Variants in CALN1 observed in about 807,000 individuals in gnomAD.
CALN1 encodes the protein calneuron 1, also known as calcium-binding protein 8.
Under a neutral mutation model 30.6 loss-of-function variants are expected in CALN1, and 17 were observed. That is an observed-to-expected ratio of 0.56 (90% CI 0.38 to 0.83). CALN1 has a LOEUF of 0.83. Ranked by LOEUF, CALN1 falls within the 40% of genes least tolerant of loss-of-function variation. CALN1 has a pLI of 0.00. For missense variants in CALN1, 291 were observed against 354.9 expected, an observed-to-expected ratio of 0.82 and a Z score of 1.45; for synonymous variants, 156 against 131.4, an observed-to-expected ratio of 1.19 and a Z score of -1.28.
intron 5 of CALN1, among the ~76,000 whole-genome samples, chr7:71,983,573 C>A (rs900939307): frequency 6.6e-6 from 1 of 151,814 alleles, no homozygotes; most frequent in Non-Finnish European, 1.5e-5. Context: ...CGAGTGTTGC[C>A]GAGGTGGGAG....
chr7:72,241,949 C>T (rs947720665), intron 3 of CALN1, among the ~76,000 whole-genome samples: 1 of 152,104 alleles, frequency 6.6e-6, no homozygotes, highest in East Asian at 1.9e-4. Context: ...CATTATTGGG[C>T]AACCACCACC....
chr7:72,390,983 C>A (rs1010288331), intron 2 of CALN1, among the ~76,000 whole-genome samples: 1 of 152,116 alleles, frequency 6.6e-6, no homozygotes, highest in Non-Finnish European at 1.5e-5. Context: ...ATATTTTTTT[C>A]TGACTCTAAG....
intron 2 of CALN1, among the ~76,000 whole-genome samples, chr7:72,287,485 C>T (rs570089707): frequency 7.8e-6 from 1 of 128,770 alleles, no homozygotes; most frequent in Non-Finnish European, 1.6e-5. Context: ...TCGGCTCTGT[C>T]ACCCAGGCTG....
chr7:71,996,775 T>C (rs1373267513), intron 5 of CALN1, among the ~76,000 whole-genome samples: 2 of 151,976 alleles, frequency 1.3e-5, no homozygotes, highest in Admixed American at 6.6e-5. Flanking sequence ...ATCCTTAAAA[T>C]AAAATAAAAT....
chr7:72,151,137 A>C (rs1787211845), intron 3 of CALN1, among the ~76,000 whole-genome samples: 1 of 152,172 alleles, frequency 6.6e-6, no homozygotes, highest in African/African-American at 2.4e-5. Flanking sequence ...GGTGGCTTCA[A>C]CAACAGAAGT....
At chr7:72,494,696 A>C in the CALN1 span, among the ~76,000 whole-genome samples, 6 of 103,066 alleles carry the variant, frequency 5.8e-5, no homozygotes, top group Non-Finnish European at 1.1e-4. Context: ...CCATCTCTAC[A>C]AAAAAAAAAA....
the CALN1 span, among the ~76,000 whole-genome samples, chr7:72,452,488 T>G: frequency 6.6e-6 from 1 of 152,136 alleles, no homozygotes; most frequent in African/African-American, 2.4e-5. Flanking sequence ...TTCCTCCTCC[T>G]TCTCTCTCCC....
At chr7:72,333,626 C>CT (rs1801818055) in intron 2 of CALN1, among the ~76,000 whole-genome samples, 3 of 150,956 alleles carry the variant, frequency 2.0e-5, no homozygotes, top group Non-Finnish European at 2.9e-5. Context: ...TTCAGACACT[C>CT]TGACTACACC....
chr7:71,864,119 GCTT>G (rs1315481117), intron 5 of CALN1, among the ~76,000 whole-genome samples: 1 of 152,030 alleles, frequency 6.6e-6, no homozygotes, highest in Non-Finnish European at 1.5e-5. Flanking sequence ...TCTTCAAATA[GCTT>G]CTTATTGCAA....
At chr7:72,489,295 C>A in the CALN1 span, among the ~76,000 whole-genome samples, 2 of 152,216 alleles carry the variant, frequency 1.3e-5, no homozygotes, top group African/African-American at 4.8e-5. Flanking sequence ...TTCAACATAT[C>A]CTTGCTGAGT....
At chr7:72,241,793 T>C (rs1030848843) in intron 3 of CALN1, among the ~76,000 whole-genome samples, 1 of 152,184 alleles carries the variant, frequency 6.6e-6, no homozygotes, top group Non-Finnish European at 1.5e-5. Flanking sequence ...CATGCCTCTT[T>C]AGTTTGTCTC....
chr7:72,367,016 T>C (rs1026019944), intron 2 of CALN1, among the ~76,000 whole-genome samples: 1 of 152,058 alleles, frequency 6.6e-6, no homozygotes, highest in East Asian at 1.9e-4. Context: ...ATGACAACCT[T>C]CTACAACCAC....
intron 3 of CALN1, among the ~76,000 whole-genome samples, chr7:72,151,054 C>T (rs1053300774): frequency 1.1e-4 from 16 of 152,172 alleles, no homozygotes; most frequent in Non-Finnish European, 1.8e-4. Flanking sequence ...TAGATTCTCA[C>T]AAGCTCATCA....
At chr7:72,154,088 C>T (rs1409025508) in intron 3 of CALN1, among the ~76,000 whole-genome samples, 2 of 152,028 alleles carry the variant, frequency 1.3e-5, no homozygotes, top group Non-Finnish European at 2.9e-5. Context: ...TTGGAAGCAT[C>T]CCTTTTACCA....
At chr7:72,099,170 T>C (rs930003695) in intron 4 of CALN1, among the ~76,000 whole-genome samples, 1 of 151,674 alleles carries the variant, frequency 6.6e-6, no homozygotes, top group African/African-American at 2.4e-5. Context: ...ATGGGACGGA[T>C]GGAGGCACCA....
intron 3 of CALN1, among the ~76,000 whole-genome samples, chr7:72,138,497 C>T (rs952181070): frequency 5.3e-5 from 8 of 152,104 alleles, no homozygotes; most frequent in Non-Finnish European, 7.4e-5. Context: ...CCTGATTCCT[C>T]GGGAAACTCT....
intron 3 of CALN1, among the ~76,000 whole-genome samples, chr7:72,164,136 G>C (rs796225535): frequency 7.2e-5 from 11 of 152,260 alleles, no homozygotes; most frequent in African/African-American, 2.6e-4. Flanking sequence ...GGGAGGCCAA[G>C]GTGGGCAGGC....
intron 3 of CALN1, among the ~76,000 whole-genome samples, chr7:72,267,391 TCTC>T (rs1017603322): frequency 1.3e-5 from 2 of 152,148 alleles, no homozygotes; most frequent in African/African-American, 4.8e-5. Context: ...GCAGGGCACC[TCTC>T]CTCTCAGTAA....
intron 3 of CALN1, among the ~76,000 whole-genome samples, chr7:72,123,944 C>G (rs1808566966): frequency 6.7e-6 from 1 of 149,224 alleles, no homozygotes; most frequent in African/African-American, 2.6e-5. Flanking sequence ...AATCTGAAAT[C>G]AGCTGAGGCA....
Sources: gnomAD v4.1 joint callset for allele counts (sites outside exome capture counted in the v4.1 genomes callset) on GRCh38, gnomAD v4.1.1 for gene constraint, MANE v1.5 for transcripts, NCBI Gene and HGNC (gene_info 2026-07-23, HGNC 2026-07-21) for gene names.